Variants in UMPS observed in about 807,000 individuals in gnomAD.
The protein encoded by UMPS is uridine monophosphate synthetase.
UMPS carries 21 observed loss-of-function variants against 38.9 expected under a neutral mutation model. The ratio of observed to expected loss-of-function variants is 0.54; its 90% CI spans 0.38 to 0.78. The LOEUF (loss-of-function observed/expected upper bound fraction) is 0.78. Ranked by LOEUF, UMPS falls within the 30% of genes least tolerant of loss-of-function variation. UMPS has a pLI of 0.00. For missense variants in UMPS, 533 were observed against 591.6 expected, an observed-to-expected ratio of 0.90 and a Z score of 1.03; for synonymous variants, 208 against 219.3, an observed-to-expected ratio of 0.95 and a Z score of 0.45.
intron 4 of UMPS, 94 bp downstream of exon 4, chr3:124,740,293 T>G: frequency 1.5e-6 from 2 of 1,337,444 alleles, no homozygotes; most frequent in South Asian, 2.9e-5. Flanking sequence ...CTGGAACCTC[T>G]GCCAAAAAAA....
In UMPS at chr3:124,730,464, G is replaced by C. The variant is rs2063466957; in HGVS notation, c.-8G>C. 3 of 1,613,904 alleles carry C rather than the reference G, an allele frequency of 1.9e-6. No homozygotes were observed. In the African/African-American group the frequency reaches 4.0e-5, roughly 22 times the overall value. On this transcript the variant is annotated 5_prime_UTR_variant, in exon 1 of 6. Transcript: ENST00000232607. ...TGGGAATTTGAAGCAAACAGGCAGC[G>C]CGCGACAATGGCGGTCGCTCGTGCA...
At chr3:124,738,563 C>A in intron 3 of UMPS, 1 of 290,620 alleles carries the variant, frequency 3.4e-6, no homozygotes, top group Non-Finnish European at 6.6e-6. Context: ...TCTGTATGAC[C>A]TTCTTGAAAT....
chr3:124,734,324 A>T (rs1164556875), intron 1 of UMPS, among the ~76,000 whole-genome samples: 1 of 152,290 alleles, frequency 6.6e-6, no homozygotes, highest in East Asian at 1.9e-4. Context: ...ATGATGATTT[A>T]TGTGGAAAAG....
Position 124,741,318 on chromosome 3 carries a change from T to C in UMPS, c.1159-834T>C, listed in dbSNP as rs183557126. On this transcript the variant is annotated intron_variant, in intron 4 of 5. Coordinates refer to ENST00000232607, the MANE Select transcript of UMPS (RefSeq NM_000373.4). ...AGGTCTCGAAGTACCGAGGCTGGAG[T>C]GCAGTGGTGGTACTGAGTCTGGTCT... Among the ~76,000 whole-genome samples the C allele has an allele frequency of 3.2e-3, 479 of 152,026 alleles. 3 individuals are homozygous for C. The highest frequency in any genetic ancestry group is 0.011 in the African/African-American group (446 of 41,458).
At position 124,745,387 on chromosome 3, in the gene UMPS, A is replaced by C; in HGVS notation, c.*1303A>C. 3 of 449,600 alleles carry C rather than the reference A, an allele frequency of 6.7e-6. No homozygotes were observed. The highest frequency in any genetic ancestry group is 4.7e-5 in the South Asian group (3 of 64,244). The allele number at this position is 449,600 out of a possible 1,614,324, so 27.9% of individuals were successfully genotyped here. On this transcript the variant is annotated 3_prime_UTR_variant, in exon 6 of 6. Coordinates refer to ENST00000232607, the MANE Select transcript of UMPS (RefSeq NM_000373.4). ...CCTAGGATTTTTTTTTTTTTTTGAG[A>C]CAGAATCTCACTGTCGCCCAGGCTG... is the stretch of plus-strand genomic sequence containing the variant.
chr3:124,744,989 T>A lies in UMPS; in HGVS notation c.*905T>A, dbSNP rs1165514908. On this transcript the variant is annotated 3_prime_UTR_variant, in exon 6 of 6. Coordinates refer to ENST00000232607, the MANE Select transcript of UMPS (RefSeq NM_000373.4). Reference sequence around the variant, plus strand: ...TGGCTGTTATTTCAACAACCGGAGTTGGGGTTTGGGCTCATTTTTTCCCCT... The same window carrying A: ...TGGCTGTTATTTCAACAACCGGAGTAGGGGTTTGGGCTCATTTTTTCCCCT... 2.2e-6 allele frequency: 1 copy of A among 453,930 alleles called. No homozygotes were observed. Among genetic ancestry groups the A allele is most frequent in the African/African-American group, 2.0e-5 (1 of 49,984 alleles). 28.1% of individuals were successfully genotyped at this position (453,930 alleles called of 1,614,324 possible). A position where few individuals can be genotyped will look rare whatever the true frequency, so the allele number is the denominator to read the frequency against.
chr3:124,736,115 T>C (rs17843809), intron 2 of UMPS, among the ~76,000 whole-genome samples: 20 of 151,836 alleles, frequency 1.3e-4, no homozygotes, highest in African/African-American at 4.3e-4. Context: ...TCTACAAAAA[T>C]AAAAAAAGAA....
rs1326858518 is a variant in UMPS, at chr3:124,747,872, G to C, written c.*3788G>C. 10 of 453,706 alleles carry C rather than the reference G, an allele frequency of 2.2e-5. No individual in the cohort carries two copies. The East Asian group carries it at 7.0e-4, about 32-fold the overall frequency. 28.1% of individuals were successfully genotyped at this position (453,706 alleles called of 1,614,324 possible). ...CCTGTACTTTAACACAGTGGACCAA[G>C]TGTCAGTCATTGAAAATGACCATGA... On this transcript the variant is annotated 3_prime_UTR_variant, in exon 6 of 6. Transcript: ENST00000232607.
In UMPS at chr3:124,748,540, G is replaced by GA. The variant is rs1294071457; in HGVS notation, c.*4459dup. ...TAGCCCTTTCCTTCCCACCAAGGGG[G>GA]AAAGTCTTCCTCTAGACAAGAGGCA... On this transcript the variant is annotated 3_prime_UTR_variant, in exon 6 of 6. Coordinates refer to ENST00000232607, the MANE Select transcript of UMPS (RefSeq NM_000373.4). 4.4e-6 allele frequency: 2 copies of GA among 454,004 alleles called. No homozygotes were observed. The highest frequency in any genetic ancestry group is 4.7e-5 in the Admixed American group (2 of 42,558). The allele number at this position is 454,004 out of a possible 1,614,324, so 28.1% of individuals were successfully genotyped here.
In UMPS at chr3:124,730,542, G is replaced by T. The variant is rs1559902035; in HGVS notation, c.71G>T (p.Gly24Val). 5.0e-6 allele frequency: 8 copies of T among 1,613,976 alleles called. No homozygotes were observed. Among genetic ancestry groups the T allele is most frequent in the Non-Finnish European group, 6.8e-6 (8 of 1,179,968 alleles). Reference protein sequence around the residue: ...GLYDVQAFKFGDFVLKSGLSS... With the variant: ...GLYDVQAFKFVDFVLKSGLSS... ...TACGACGTGCAGGCTTTCAAGTTTG[G>T]GGACTTCGTGCTGAAGAGCGGGCTT... is the stretch of plus-strand genomic sequence containing the variant. Residue 24 changes from glycine to valine, a missense_variant, in exon 1 of 6, where the codon GGG (glycine) becomes GTG (valine). Transcript: ENST00000232607.
In UMPS at chr3:124,746,107, TGC is replaced by T; in HGVS notation, c.*2024_*2025del. The T allele has an allele frequency of 2.2e-6, 1 of 454,106 alleles. No individual in the cohort carries two copies. The highest frequency in any genetic ancestry group is 1.6e-5 in the South Asian group (1 of 64,480). The allele number at this position is 454,106 out of a possible 1,614,324, so 28.1% of individuals were successfully genotyped here. On this transcript the variant is annotated 3_prime_UTR_variant, in exon 6 of 6. Transcript: ENST00000232607. ...TGAGACAGCCTTGAGGTCTGCCTCC[TGC>T]TAAGAGTCACATGCTCCTGTCCTTT... is the stretch of plus-strand genomic sequence containing the variant.
In UMPS at chr3:124,734,774, A is replaced by C. The variant is rs540263930; in HGVS notation, c.157-319A>C. ...AGTGGCTCACGCCTGTAATCCCAGC[A>C]CTTTGGGAGGCCGAGGCAGGTGGAT... On this transcript the variant is annotated intron_variant, in intron 1 of 5. Transcript: ENST00000232607. Among the ~76,000 whole-genome samples, 120 of 152,300 alleles carry C rather than the reference A, an allele frequency of 7.9e-4. 1 individual carries two copies. The highest frequency in any genetic ancestry group is 2.7e-3 in the African/African-American group (112 of 41,572).
chr3:124,741,738 A>G (rs1051435819), intron 4 of UMPS, among the ~76,000 whole-genome samples: 2 of 152,222 alleles, frequency 1.3e-5, no homozygotes, highest in Admixed American at 6.5e-5. Context: ...TGCATATAGT[A>G]TAGGATTTCT....
At position 124,735,327 on chromosome 3, in the gene UMPS, A is replaced by G. The variant is rs3772804; in HGVS notation, c.310+81A>G. ...TAGAATTTTTCCGCTTCTGTGCACT[A>G]ATGTTTTACCAGTCATCTTGAGTTC... On this transcript the variant is annotated intron_variant, in intron 2 of 5. Coordinates refer to ENST00000232607, the MANE Select transcript of UMPS (RefSeq NM_000373.4). 0.26 allele frequency: 331,424 copies of G among 1,298,672 alleles called. 45,051 individuals carry two copies. The highest frequency in any genetic ancestry group is 0.33 in the Middle Eastern group (1,546 of 4,658). 80.4% of individuals were successfully genotyped at this position (1,298,672 alleles called of 1,614,324 possible).
chr3:124,746,297 C>T lies in UMPS; in HGVS notation c.*2213C>T, dbSNP rs751223277. ...TGAAAGTGTAGGTCCTTGTGCCCCA[C>T]ACCATCAGAGTTTCTGCGTTAGCAG... On this transcript the variant is annotated 3_prime_UTR_variant, in exon 6 of 6. Coordinates refer to ENST00000232607, the MANE Select transcript of UMPS (RefSeq NM_000373.4). 9 of 454,038 alleles carry T rather than the reference C, an allele frequency of 2.0e-5. No homozygotes were observed. Among genetic ancestry groups the T allele is most frequent in the Non-Finnish European group, 3.5e-5 (8 of 226,804 alleles). The allele number at this position is 454,038 out of a possible 1,614,324, so 28.1% of individuals were successfully genotyped here. A position where few individuals can be genotyped will look rare whatever the true frequency, so the allele number is the denominator to read the frequency against.
rs1292338767 is a variant in UMPS, at chr3:124,747,159, G to A, written c.*3075G>A. ...CTCTCAAGAGCCTCTCGAGTGGCTGGAACTACAGGCGTGCACCACCACAGC... is the reference window on the plus strand; with the variant it reads ...CTCTCAAGAGCCTCTCGAGTGGCTGAAACTACAGGCGTGCACCACCACAGC... On this transcript the variant is annotated 3_prime_UTR_variant, in exon 6 of 6. Transcript: ENST00000232607. The A allele has an allele frequency of 8.8e-6, 4 of 453,890 alleles. No homozygotes were observed. Among genetic ancestry groups the A allele is most frequent in the Admixed American group, 2.4e-5 (1 of 42,552 alleles). 28.1% of individuals were successfully genotyped at this position (453,890 alleles called of 1,614,324 possible). A position where few individuals can be genotyped will look rare whatever the true frequency, so the allele number is the denominator to read the frequency against.
intron 1 of UMPS, 120 bp downstream of exon 1, chr3:124,730,747 C>G: frequency 8.3e-7 from 1 of 1,203,700 alleles, no homozygotes; most frequent in Non-Finnish European, 1.2e-6. Context: ...GGCAGACCGA[C>G]CCTACTCTTG....
chr3:124,734,425 T>C (rs2063503030), intron 1 of UMPS, among the ~76,000 whole-genome samples: 1 of 152,182 alleles, frequency 6.6e-6, no homozygotes, highest in Non-Finnish European at 1.5e-5. Flanking sequence ...TAAAAGATGA[T>C]AGGTTTAGAT....
chr3:124,740,262 A>T, intron 4 of UMPS, 63 bp downstream of exon 4: 1 of 1,496,784 alleles, frequency 6.7e-7, no homozygotes. Context: ...CTGCAAGAAG[A>T]TATCTCCTAA....
Sources: gnomAD v4.1 joint callset for allele counts (sites outside exome capture counted in the v4.1 genomes callset) on GRCh38, gnomAD v4.1.1 for gene constraint, MANE v1.5 for transcripts, NCBI Gene and HGNC (gene_info 2026-07-23, HGNC 2026-07-21) for gene names.